Variants in FANCC observed in about 807,000 individuals in gnomAD.
FANCC encodes FA complementation group C.
FANCC carries 55 observed loss-of-function variants against 71.3 expected under a neutral mutation model. That is an observed-to-expected ratio of 0.77 (90% confidence interval 0.62 to 0.97). FANCC has a LOEUF of 0.97. FANCC is among the 50% of genes least tolerant of loss of function. The probability of loss-of-function intolerance (pLI) is 0.00; values close to 1 mark genes in which losing one functional copy is unlikely to be tolerated. For missense variants in FANCC, 678 were observed against 670.9 expected (o/e 1.01, Z -0.12); for synonymous variants, 275 against 244.9 (o/e 1.12, Z -1.15).
At chr9:95,102,832 T>C (rs2071163759) in intron 14 of FANCC, among the ~76,000 whole-genome samples, 1 of 152,176 alleles carries the variant, frequency 6.6e-6, no homozygotes, top group Non-Finnish European at 1.5e-5. Context: ...GAGCTAAGAG[T>C]AAACGACGTG....
chr9:95,194,784 C>T (rs2135760250), intron 4 of FANCC, among the ~76,000 whole-genome samples: 1 of 152,274 alleles, frequency 6.6e-6, no homozygotes, highest in East Asian at 1.9e-4. Flanking sequence ...AATATCTCCT[C>T]CCAGTCTGCC....
At chr9:95,286,395 T>C (rs4647396) in intron 1 of FANCC, among the ~76,000 whole-genome samples, 2,071 of 152,270 alleles carry the variant, frequency 0.014, 43 homozygotes, top group African/African-American at 0.046. Context: ...CAGGAAAGAT[T>C]TCCTTGCTCC....
In FANCC at chr9:95,244,678, CAAAAAAAAAAAAAA is replaced by C. The variant is rs576605250; in HGVS notation, c.250+2740_250+2753del. Among the ~76,000 whole-genome samples the C allele has an allele frequency of 1.0e-3, 42 of 41,576 alleles. No homozygotes were observed. In the Admixed American group the frequency reaches 0.011, roughly 10 times the overall value. The allele number at this position is 41,576 out of a possible 152,430, so 27.3% of individuals were successfully genotyped here. On this transcript the variant is annotated intron_variant, in intron 3 of 14. Coordinates refer to ENST00000289081, the MANE Select transcript of FANCC (RefSeq NM_000136.3). ...TAGGCAACAGAGCAAGACTTTGTCT[CAAAAAAAAAAAAAA>C]AAAAAAAAAAAAAAAAAAAAACCCA...
intron 1 of FANCC, among the ~76,000 whole-genome samples, chr9:95,308,651 T>C (rs927747656): frequency 2.0e-5 from 3 of 152,162 alleles, no homozygotes; most frequent in Non-Finnish European, 2.9e-5. Flanking sequence ...AGTGCTGCGA[T>C]TACAGGCATG....
intron 1 of FANCC, among the ~76,000 whole-genome samples, chr9:95,276,240 C>T (rs1187538313): frequency 6.6e-6 from 1 of 152,146 alleles, no homozygotes; most frequent in Non-Finnish European, 1.5e-5. Flanking sequence ...TGGGAGATTG[C>T]CTCTCACATT....
intron 11 of FANCC, among the ~76,000 whole-genome samples, chr9:95,116,471 T>C (rs180737457): frequency 1.3e-5 from 2 of 152,290 alleles, no homozygotes; most frequent in Non-Finnish European, 2.9e-5. Context: ...ATCATTTGCA[T>C]TTCTCAAACA....
rs569280103 is a variant in FANCC, at chr9:95,110,754, T to G, written c.1329+709A>C. ...TAAGATCAGCATAGAGCACTGGCAGTTGAAGTTTTAAGAACCTAGCAAATC... is the reference window on the plus strand; with the variant it reads ...TAAGATCAGCATAGAGCACTGGCAGGTGAAGTTTTAAGAACCTAGCAAATC... On this transcript the variant is annotated intron_variant, in intron 13 of 14. Transcript: ENST00000289081. 103 of 1,097,984 alleles carry G rather than the reference T, an allele frequency of 9.4e-5. No homozygotes were observed. The African/African-American group carries it at 1.6e-3, about 17-fold the overall frequency. The allele number at this position is 1,097,984 out of a possible 1,614,324, so 68.0% of individuals were successfully genotyped here. A position where few individuals can be genotyped will look rare whatever the true frequency, so the allele number is the denominator to read the frequency against.
chr9:95,122,463 A>G lies in FANCC; in HGVS notation c.996+2623T>C, dbSNP rs569151643. 4.6e-5 allele frequency among the ~76,000 whole-genome samples: 7 copies of G among 152,326 alleles called. No individual in the cohort carries two copies. The South Asian group carries it at 1.2e-3, about 27-fold the overall frequency. ...GAAATAAACTAACAGATACCTATGCAGGCATTGGCAAAGCAAAGAGACTTT... is the reference window on the plus strand; with the variant it reads ...GAAATAAACTAACAGATACCTATGCGGGCATTGGCAAAGCAAAGAGACTTT... On this transcript the variant is annotated intron_variant, in intron 10 of 14. Transcript: ENST00000289081.
chr9:95,275,437 T>A (rs1016757157), intron 1 of FANCC, among the ~76,000 whole-genome samples: 11 of 152,202 alleles, frequency 7.2e-5, no homozygotes, highest in Non-Finnish European at 1.5e-4. Flanking sequence ...TGTATATCTG[T>A]CCAAACCCAT....
At chr9:95,217,996 T>C (rs1385454769) in intron 4 of FANCC, among the ~76,000 whole-genome samples, 1 of 152,184 alleles carries the variant, frequency 6.6e-6, no homozygotes, top group Non-Finnish European at 1.5e-5. Context: ...AAAGATGGAA[T>C]AGGTAATTCT....
At chr9:95,111,437 C>T (rs41305475) in intron 13 of FANCC, 26 bp downstream of exon 13, 2 of 1,606,848 alleles carry the variant, frequency 1.2e-6, no homozygotes, top group Admixed American at 1.7e-5. Context: ...CCACCCCAAA[C>T]ACATGCAGTG....
At chr9:95,230,315 G>C (rs930450616) in intron 4 of FANCC, among the ~76,000 whole-genome samples, 1 of 152,118 alleles carries the variant, frequency 6.6e-6, no homozygotes, top group Non-Finnish European at 1.5e-5. Flanking sequence ...GAGTGGTTTC[G>C]AGAGCTCAAG....
At chr9:95,103,845 G>A (rs1000800511) in intron 14 of FANCC, among the ~76,000 whole-genome samples, 1 of 152,214 alleles carries the variant, frequency 6.6e-6, no homozygotes, top group African/African-American at 2.4e-5. Flanking sequence ...GCGTCCTTTA[G>A]GTCAGATGGA....
chr9:95,100,510 T>C lies in FANCC; in HGVS notation c.*1197A>G, dbSNP rs1026341216. The C allele has an allele frequency of 3.4e-5, 8 of 232,208 alleles. No individual in the cohort carries two copies. Among genetic ancestry groups the C allele is most frequent in the Admixed American group, 5.6e-5 (1 of 17,756 alleles). 14.4% of individuals were successfully genotyped at this position (232,208 alleles called of 1,614,324 possible). A position where few individuals can be genotyped will look rare whatever the true frequency, so the allele number is the denominator to read the frequency against. ...AATCAAAATGGACAAAAGCAAGTCT[T>C]GACTCACTTGACAAACAGAATAGAC... On this transcript the variant is annotated 3_prime_UTR_variant, in exon 15 of 15. Coordinates refer to ENST00000289081, the MANE Select transcript of FANCC (RefSeq NM_000136.3).
intron 4 of FANCC, among the ~76,000 whole-genome samples, chr9:95,188,238 G>A (rs1165137146): frequency 6.6e-6 from 1 of 152,182 alleles, no homozygotes; most frequent in Non-Finnish European, 1.5e-5. Flanking sequence ...CACAAGAGAT[G>A]CAATCTTCAC....
intron 4 of FANCC, among the ~76,000 whole-genome samples, chr9:95,237,760 T>A (rs1475983767): frequency 2.6e-5 from 4 of 152,154 alleles, no homozygotes; most frequent in African/African-American, 9.7e-5. Context: ...AAATTTAACA[T>A]CTGAATGAAG....
intron 8 of FANCC, among the ~76,000 whole-genome samples, chr9:95,129,533 G>C: frequency 6.6e-6 from 1 of 152,212 alleles, no homozygotes. Context: ...AGGTCACGCT[G>C]CAAGCCAGGG....
intron 1 of FANCC, among the ~76,000 whole-genome samples, chr9:95,278,186 G>A (rs1285207998): frequency 6.6e-6 from 1 of 152,042 alleles, no homozygotes; most frequent in African/African-American, 2.4e-5. Context: ...AAACATTGTT[G>A]AATTCATAAC....
chr9:95,163,488 G>A (rs1174269035), intron 6 of FANCC, among the ~76,000 whole-genome samples: 1 of 152,144 alleles, frequency 6.6e-6, no homozygotes, highest in Non-Finnish European at 1.5e-5. Flanking sequence ...AAAACCAAAC[G>A]CCACTGACAT....
Sources: allele counts gnomAD v4.1 joint callset (sites outside exome capture counted in the v4.1 genomes callset), GRCh38; gene constraint gnomAD v4.1.1; transcripts MANE v1.5; gene names NCBI Gene and HGNC (gene_info 2026-07-23, HGNC 2026-07-21).